Variants in ARHGAP6 observed in about 807,000 individuals in gnomAD.
The protein encoded by ARHGAP6 is rho GTPase-activating protein 6.
In ARHGAP6, 16 loss-of-function variants were observed where a neutral mutation model predicts 55.7. The ratio of observed to expected loss-of-function variants is 0.29; its 90% CI spans 0.19 to 0.44. The LOEUF (loss-of-function observed/expected upper bound fraction) is 0.44, where lower values mean the gene tolerates loss of function less well. Among genes scored for constraint, ARHGAP6 ranks in the 20% least tolerant of loss-of-function variants. The pLI, the probability that ARHGAP6 is intolerant of heterozygous loss-of-function variation, is 1.00. For missense variants in ARHGAP6, 698 were observed against 808.9 expected, an observed-to-expected ratio of 0.86 and a Z score of 1.66; for synonymous variants, 382 against 360.9, an observed-to-expected ratio of 1.06 and a Z score of -0.66.
chrX:11,213,865 C>T (rs775006213), intron 2 of ARHGAP6, among the ~76,000 whole-genome samples: 10 of 111,761 alleles, frequency 8.9e-5, no homozygotes, highest in Admixed American at 5.7e-4. Context: ...AAATTGCCCT[C>T]GTAGCCCTTA....
chrX:11,506,408 A>C, intron 1 of ARHGAP6, among the ~76,000 whole-genome samples: 1 of 107,235 alleles, frequency 9.3e-6, no homozygotes. Flanking sequence ...ACCCCACGAC[A>C]GGCCCCGGTA....
intron 1 of ARHGAP6, among the ~76,000 whole-genome samples, chrX:11,361,793 C>T (rs1302197384): frequency 9.0e-6 from 1 of 110,713 alleles, no homozygotes; most frequent in African/African-American, 3.3e-5. Flanking sequence ...ACAATGAACA[C>T]AAACAAATTT....
chrX:11,385,615 TA>T (rs976414869), intron 1 of ARHGAP6, among the ~76,000 whole-genome samples: 3 of 112,109 alleles, frequency 2.7e-5, no homozygotes, highest in Non-Finnish European at 3.8e-5. Flanking sequence ...TGATTTTAAC[TA>T]AAATACTTGG....
chrX:11,301,421 A>C (rs1228795377), intron 1 of ARHGAP6, among the ~76,000 whole-genome samples: 1 of 111,456 alleles, frequency 9.0e-6, no homozygotes, highest in Non-Finnish European at 1.9e-5. Flanking sequence ...TTTCTTTCTC[A>C]CTCATATTTA....
intron 1 of ARHGAP6, among the ~76,000 whole-genome samples, chrX:11,338,370 G>A (rs1188531009): frequency 9.0e-6 from 1 of 111,572 alleles, no homozygotes; most frequent in Non-Finnish European, 1.9e-5. Flanking sequence ...ATTTATGTCA[G>A]GTAGAGTGAG....
intron 1 of ARHGAP6, among the ~76,000 whole-genome samples, chrX:11,603,069 T>C (rs1170886405): frequency 1.8e-5 from 2 of 112,195 alleles, no homozygotes; most frequent in East Asian, 5.6e-4. Context: ...ATTGAGGCTA[T>C]GTGCTCCAGA....
At chrX:11,437,357 A>T (rs1317880856) in intron 1 of ARHGAP6, among the ~76,000 whole-genome samples, 2 of 112,614 alleles carry the variant, frequency 1.8e-5, no homozygotes, top group Non-Finnish European at 3.8e-5. Flanking sequence ...CTATCAATTC[A>T]TTCAGTCCAT....
chrX:11,631,257 G>C (rs1193208561), intron 1 of ARHGAP6, among the ~76,000 whole-genome samples: 2 of 111,404 alleles, frequency 1.8e-5, no homozygotes, highest in Non-Finnish European at 3.8e-5. Context: ...GGGCACAGTG[G>C]CTCATGCCCA....
intron 3 of ARHGAP6, among the ~76,000 whole-genome samples, chrX:11,195,221 G>A (rs889833653): frequency 9.0e-6 from 1 of 110,554 alleles, no homozygotes; most frequent in African/African-American, 3.3e-5. Flanking sequence ...GCATGGTGGT[G>A]CGTGCCTGTA....
At chrX:11,490,391 A>G (rs1166579190) in intron 1 of ARHGAP6, among the ~76,000 whole-genome samples, 1 of 111,436 alleles carries the variant, frequency 9.0e-6, no homozygotes, top group African/African-American at 3.3e-5. Flanking sequence ...ACAACCACAA[A>G]GAAATGAATT....
At chrX:11,282,122 G>A (rs2047863328) in intron 1 of ARHGAP6, among the ~76,000 whole-genome samples, 1 of 111,913 alleles carries the variant, frequency 8.9e-6, no homozygotes, top group Admixed American at 9.5e-5. Flanking sequence ...CAAAGAATGT[G>A]TCTACAAAAT....
At chrX:11,339,848 C>A (rs1366335582) in intron 1 of ARHGAP6, among the ~76,000 whole-genome samples, 1 of 111,290 alleles carries the variant, frequency 9.0e-6, no homozygotes, top group Non-Finnish European at 1.9e-5. Context: ...GTTTCTCTCT[C>A]AATATTTTAC....
chrX:11,201,428 G>C (rs896844328), intron 2 of ARHGAP6, among the ~76,000 whole-genome samples: 1 of 111,964 alleles, frequency 8.9e-6, no homozygotes, highest in East Asian at 2.8e-4. Flanking sequence ...CCATTTTACA[G>C]ATAAGGAGAC....
At chrX:11,165,286 T>C (rs768521439) in intron 9 of ARHGAP6, among the ~76,000 whole-genome samples, 1 of 111,879 alleles carries the variant, frequency 8.9e-6, no homozygotes, top group Non-Finnish European at 1.9e-5. Context: ...TTTATAAGGT[T>C]TGTATTCTGT....
chrX:11,634,206 T>G (rs1045537403), intron 1 of ARHGAP6, among the ~76,000 whole-genome samples: 3 of 109,990 alleles, frequency 2.7e-5, no homozygotes, highest in African/African-American at 6.6e-5. Flanking sequence ...GGTCTGCCTA[T>G]GTTGCCCAGG....
At chrX:11,260,374 A>G (rs2047543299) in intron 1 of ARHGAP6, among the ~76,000 whole-genome samples, 2 of 111,594 alleles carry the variant, frequency 1.8e-5, no homozygotes, top group East Asian at 5.6e-4. Flanking sequence ...GCTCGCAGAC[A>G]CTTAAAAAAG....
At chrX:11,467,437 G>A (rs1334670808) in intron 1 of ARHGAP6, among the ~76,000 whole-genome samples, 3 of 110,949 alleles carry the variant, frequency 2.7e-5, no homozygotes, top group African/African-American at 9.8e-5. Context: ...AGGGAGAACA[G>A]CCCTCTCTCA....
At chrX:11,180,900 C>T (rs977298730) in intron 6 of ARHGAP6, among the ~76,000 whole-genome samples, 3 of 112,380 alleles carry the variant, frequency 2.7e-5, no homozygotes, top group African/African-American at 9.7e-5. Flanking sequence ...AGTATACGTA[C>T]ATGCAGAAAG....
intron 1 of ARHGAP6, among the ~76,000 whole-genome samples, chrX:11,584,335 T>G (rs1484892394): frequency 8.9e-6 from 1 of 112,417 alleles, no homozygotes; most frequent in Non-Finnish European, 1.9e-5. Flanking sequence ...AGGATTACTG[T>G]GATCAGTAAT....
Sources: gnomAD v4.1 joint callset for allele counts (sites outside exome capture counted in the v4.1 genomes callset) on GRCh38, gnomAD v4.1.1 for gene constraint, MANE v1.5 for transcripts, NCBI Gene and HGNC (gene_info 2026-07-23, HGNC 2026-07-21) for gene names.